GRIN2A: variants seen among roughly 807,000 people sequenced by gnomAD.
GRIN2A encodes glutamate receptor ionotropic, NMDA 2A.
GRIN2A carries 22 observed loss-of-function variants against 113.4 expected under a neutral mutation model. That is an observed-to-expected ratio of 0.19 (90% CI 0.14 to 0.28). The LOEUF (loss-of-function observed/expected upper bound fraction) is 0.28. GRIN2A is among the 10% of genes least tolerant of loss of function. The pLI is 1.00. For missense variants in GRIN2A, 1,502 were observed against 1,887.0 expected, an observed-to-expected ratio of 0.80 and a Z score of 3.78; for synonymous variants, 827 against 738.4, an observed-to-expected ratio of 1.12 and a Z score of -1.94.
intron 4 of GRIN2A, among the ~76,000 whole-genome samples, chr16:9,887,615 T>G (rs2043609820): frequency 6.6e-6 from 1 of 152,272 alleles, no homozygotes; most frequent in Admixed American, 6.5e-5. Context: ...TTTGCTATAA[T>G]GAATAAAGTT....
At chr16:10,179,878 T>TTCC (rs1596586582) in intron 2 of GRIN2A, 120 bp downstream of exon 2, 43 of 443,668 alleles carry the variant, frequency 9.7e-5, no homozygotes, top group Admixed American at 5.8e-4. Context: ...GCCACGACCC[T>TTCC]CCCACCCCCA....
At chr16:9,875,254 G>C (rs1039170808) in intron 4 of GRIN2A, among the ~76,000 whole-genome samples, 1 of 151,968 alleles carries the variant, frequency 6.6e-6, no homozygotes, top group African/African-American at 2.4e-5. Flanking sequence ...ATAACATATG[G>C]GTAATTATCT....
chr16:10,006,815 C>T (rs1273283834), intron 2 of GRIN2A, among the ~76,000 whole-genome samples: 2 of 152,164 alleles, frequency 1.3e-5, no homozygotes, highest in African/African-American at 2.4e-5. Flanking sequence ...TAGTAACCAT[C>T]CTTCTACTCT....
At chr16:9,824,404 C>G (rs567137294) in intron 9 of GRIN2A, among the ~76,000 whole-genome samples, 1 of 152,332 alleles carries the variant, frequency 6.6e-6, no homozygotes, top group South Asian at 2.1e-4. Flanking sequence ...CTCCTTGTAG[C>G]AGCCATTCCC....
chr16:9,776,919 C>A (rs1486524150), intron 11 of GRIN2A, among the ~76,000 whole-genome samples: 1 of 152,146 alleles, frequency 6.6e-6, no homozygotes, highest in South Asian at 2.1e-4. Context: ...GAGTTGTGGT[C>A]CTGCAATTGA....
chr16:10,042,985 G>A (rs11074546), intron 2 of GRIN2A, among the ~76,000 whole-genome samples: 7 of 152,078 alleles, frequency 4.6e-5, no homozygotes, highest in Non-Finnish European at 1.0e-4. Context: ...TTTGATCTAC[G>A]TCAGAGTTTC....
At chr16:10,026,053 T>A (rs2046813897) in intron 2 of GRIN2A, among the ~76,000 whole-genome samples, 1 of 151,918 alleles carries the variant, frequency 6.6e-6, no homozygotes, top group Non-Finnish European at 1.5e-5. Flanking sequence ...AGCCCAACCT[T>A]CCTCCTGGCC....
chr16:10,149,897 T>A (rs1016847252), intron 2 of GRIN2A, among the ~76,000 whole-genome samples: 9 of 152,214 alleles, frequency 5.9e-5, no homozygotes, highest in African/African-American at 1.9e-4. Flanking sequence ...AAAGTTTAAT[T>A]GTGTTTAATT....
At position 9,764,396 on chromosome 16, in the gene GRIN2A, T is replaced by C; in HGVS notation, c.3148A>G (p.Arg1050Gly). Residue 1050 changes from arginine (R) to glycine (G), a missense_variant, in exon 13 of 13, where the codon AGG becomes GGG. By Grantham distance (125) the Arg-to-Gly change is moderately radical. This residue lies in a region of GRIN2A where 832 missense variants were observed against 789.7 expected (regional missense o/e 1.05). Coordinates refer to ENST00000330684, the MANE Select transcript of GRIN2A (RefSeq NM_001134407.3). Reference protein sequence around the residue: ...ENRTHSLKSPRYLPEEMAHSD... With the variant: ...ENRTHSLKSPGYLPEEMAHSD... ...TGGGCCATCTCTTCTGGAAGATACC[T>C]AGGGCTCTTTAGGGAGTGGGTCCTA... The C allele has an allele frequency of 6.2e-7, 1 of 1,614,128 alleles. No homozygotes were observed. Among genetic ancestry groups the C allele is most frequent in the Non-Finnish European group, 8.5e-7 (1 of 1,179,984 alleles).
At chr16:9,814,413 T>G (rs906085918) in intron 10 of GRIN2A, among the ~76,000 whole-genome samples, 6 of 152,242 alleles carry the variant, frequency 3.9e-5, no homozygotes, top group East Asian at 3.9e-4. Context: ...ATCGTAGGGG[T>G]GTTGTGAGGA....
intron 2 of GRIN2A, among the ~76,000 whole-genome samples, chr16:9,942,563 C>T (rs979819487): frequency 6.6e-6 from 1 of 152,184 alleles, no homozygotes; most frequent in Admixed American, 6.5e-5. Context: ...CTTGTCTCCA[C>T]ATCCTCGGTC....
chr16:10,042,269 A>T (rs2047179117), intron 2 of GRIN2A, among the ~76,000 whole-genome samples: 1 of 152,122 alleles, frequency 6.6e-6, no homozygotes, highest in East Asian at 1.9e-4. Flanking sequence ...TGGGGGACAA[A>T]AGACAGTGTG....
chr16:9,788,656 A>G (rs145312251), intron 11 of GRIN2A, among the ~76,000 whole-genome samples: 172 of 140,866 alleles, frequency 1.2e-3, no homozygotes, highest in African/African-American at 4.5e-3. Flanking sequence ...TTCCTTCCCC[A>G]CACTATTTGT....
chr16:10,100,959 A>G (rs1172737538), intron 2 of GRIN2A, among the ~76,000 whole-genome samples: 3 of 152,218 alleles, frequency 2.0e-5, no homozygotes, highest in East Asian at 1.9e-4. Context: ...TCAAAAAAGA[A>G]TGTGTCATTC....
intron 10 of GRIN2A, among the ~76,000 whole-genome samples, chr16:9,803,317 G>A (rs188919079): frequency 1.0e-3 from 153 of 151,980 alleles, no homozygotes; most frequent in Middle Eastern, 3.4e-3. Flanking sequence ...TGAGGCAGGC[G>A]AATCTATTGA....
intron 2 of GRIN2A, among the ~76,000 whole-genome samples, chr16:10,075,254 T>C (rs1197517567): frequency 6.6e-6 from 1 of 152,132 alleles, no homozygotes; most frequent in Non-Finnish European, 1.5e-5. Context: ...CCTTTCATCC[T>C]GAGTTTGAGA....
chr16:9,978,391 C>A (rs779938265), intron 2 of GRIN2A, among the ~76,000 whole-genome samples: 5 of 152,160 alleles, frequency 3.3e-5, no homozygotes, highest in Admixed American at 6.5e-5. Flanking sequence ...TAATTCCCAG[C>A]CTTGCTGGTT....
At chr16:10,011,459 G>A (rs1007193284) in intron 2 of GRIN2A, among the ~76,000 whole-genome samples, 23 of 152,168 alleles carry the variant, frequency 1.5e-4, no homozygotes, top group African/African-American at 2.9e-4. Context: ...ATCAGTCTAC[G>A]TGTCTACTCT....
At chr16:9,823,473 C>A (rs972851487) in intron 9 of GRIN2A, among the ~76,000 whole-genome samples, 3 of 152,048 alleles carry the variant, frequency 2.0e-5, no homozygotes, top group Non-Finnish European at 4.4e-5. Flanking sequence ...AGAAAGCATT[C>A]AAAAATAAAG....
Sources: gnomAD v4.1 joint callset for allele counts (sites outside exome capture counted in the v4.1 genomes callset) on GRCh38, gnomAD v4.1.1 for gene constraint, gnomAD v4.1.1 regional missense constraint, MANE v1.5 for transcripts, NCBI Gene and HGNC (gene_info 2026-07-23, HGNC 2026-07-21) for gene names.